NAV2: variants seen among roughly 807,000 people sequenced by gnomAD.
The protein encoded by NAV2 is neuron navigator 2.
A neutral mutation model predicts 223.2 loss-of-function variants in NAV2; 54 were observed. The ratio of observed to expected loss-of-function variants is 0.24; its 90% confidence interval spans 0.19 to 0.30. The LOEUF (loss-of-function observed/expected upper bound fraction) is 0.30. Ranked by LOEUF, NAV2 falls within the 10% of genes least tolerant of loss-of-function variation. NAV2 has a pLI of 1.00. For missense variants in NAV2, 2,806 were observed against 3,147.5 expected (o/e 0.89, Z 2.60); for synonymous variants, 1,279 against 1,239.3 (o/e 1.03, Z -0.67).
chr11:19,547,367 G>C (rs1432701387), intron 1 of NAV2, among the ~76,000 whole-genome samples: 2 of 152,212 alleles, frequency 1.3e-5, no homozygotes, highest in Non-Finnish European at 2.9e-5. Context: ...ATTTAACTAT[G>C]AAACACAAAA....
At chr11:19,392,462 C>T (rs1849287431) in intron 1 of NAV2, among the ~76,000 whole-genome samples, 1 of 151,986 alleles carries the variant, frequency 6.6e-6, no homozygotes, top group South Asian at 2.1e-4. Context: ...GGTTCTCTCA[C>T]TAACATACTT....
intron 1 of NAV2, among the ~76,000 whole-genome samples, chr11:19,786,188 C>T (rs981165148): frequency 6.6e-6 from 1 of 152,160 alleles, no homozygotes; most frequent in African/African-American, 2.4e-5. Flanking sequence ...ATTGGTGTTC[C>T]AAGGCCATCT....
rs1850045524 is a variant in NAV2, at chr11:19,409,430, T to G, written c.75+58403T>G. Among the ~76,000 whole-genome samples, 2 of 152,140 alleles carry G rather than the reference T, an allele frequency of 1.3e-5. 1 individual carries two copies. The highest frequency in any genetic ancestry group is 4.1e-4 in the South Asian group (2 of 4,826). ...CTAAGCACTCAGCCTTGCTCTTGGG[T>G]GGTGGGTGGAGTCCTGAAGCTCTCT... is the stretch of plus-strand genomic sequence containing the variant. On this transcript the variant is annotated intron_variant, in intron 1 of 37. Transcript: ENST00000360655.
chr11:19,367,865 T>C (rs1046484464), intron 1 of NAV2, among the ~76,000 whole-genome samples: 11 of 152,228 alleles, frequency 7.2e-5, no homozygotes, highest in African/African-American at 2.7e-4. Flanking sequence ...ATCATTATAT[T>C]ATACCCCAGA....
intron 1 of NAV2, chr11:19,506,704 C>T (rs2043133652): frequency 6.6e-6 from 1 of 152,144 alleles, no homozygotes; most frequent in African/African-American, 2.4e-5. Flanking sequence ...AGGTAGAGCT[C>T]TTGAGCTAGA....
intron 8 of NAV2, among the ~76,000 whole-genome samples, chr11:19,944,900 T>C (rs1307023478): frequency 6.6e-6 from 1 of 150,456 alleles, no homozygotes; most frequent in Non-Finnish European, 1.5e-5. Flanking sequence ...CTTTCTTTCC[T>C]TTCCTTTCCT....
At chr11:19,670,123 A>G (rs2048538885) in intron 1 of NAV2, among the ~76,000 whole-genome samples, 1 of 152,058 alleles carries the variant, frequency 6.6e-6, no homozygotes, top group South Asian at 2.1e-4. Context: ...CACATATGCC[A>G]CGCACACTGT....
intron 6 of NAV2, among the ~76,000 whole-genome samples, chr11:19,911,473 C>T (rs2625334): frequency 0.11 from 16,993 of 152,176 alleles, 3,145 homozygotes; most frequent in African/African-American, 0.38. Context: ...CAAAATGACT[C>T]TCTCAATTCT....
chr11:20,035,874 G>C lies in NAV2; in HGVS notation c.2769-85G>C. The C allele has an allele frequency of 2.0e-6, 3 of 1,520,680 alleles. No homozygotes were observed. In the South Asian group the frequency reaches 3.6e-5, roughly 18 times the overall value. The allele number at this position is 1,520,680 out of a possible 1,614,324, so 94.2% of individuals were successfully genotyped here. A position where few individuals can be genotyped will look rare whatever the true frequency, so the allele number is the denominator to read the frequency against. ...CATGGCACAGATTGGATCTTTTCGGGGATGGTGTTTGTCTGTCTGTGTCAT... is the reference window on the plus strand; with the variant it reads ...CATGGCACAGATTGGATCTTTTCGGCGATGGTGTTTGTCTGTCTGTGTCAT... On this transcript the variant is annotated intron_variant, in intron 11 of 37. Coordinates refer to ENST00000349880, the MANE Select transcript of NAV2 (RefSeq NM_145117.5).
At chr11:19,447,268 A>G (rs993549339) in intron 1 of NAV2, among the ~76,000 whole-genome samples, 23 of 152,240 alleles carry the variant, frequency 1.5e-4, no homozygotes, top group Non-Finnish European at 2.5e-4. Context: ...GTTCTTTTCA[A>G]GATAGATTCT....
intron 1 of NAV2, among the ~76,000 whole-genome samples, chr11:19,680,983 G>A (rs758429332): frequency 3.3e-5 from 5 of 152,200 alleles, no homozygotes; most frequent in Admixed American, 6.5e-5. Context: ...AGCACTTAGC[G>A]GGTGCCAGGC....
At chr11:19,463,077 C>A (rs778726188) in intron 1 of NAV2, among the ~76,000 whole-genome samples, 11 of 152,218 alleles carry the variant, frequency 7.2e-5, no homozygotes, top group Non-Finnish European at 1.3e-4. Flanking sequence ...CTATGTGATT[C>A]TGAGCCATTT....
chr11:19,741,309 A>G (rs1259616514), intron 1 of NAV2, among the ~76,000 whole-genome samples: 2 of 152,062 alleles, frequency 1.3e-5, no homozygotes, highest in Admixed American at 1.3e-4. Context: ...AATTTTCAGC[A>G]TACAATATAA....
rs190183090 is a variant in NAV2, at chr11:19,555,082, G to A, written c.75+204055G>A. The stretch of plus-strand genomic sequence containing the variant: ...ATAATTTATTCCTTTTCAGTTTTGA[G>A]TAAACAAGATATGTGACTATCTTAG... On this transcript the variant is annotated intron_variant, in intron 1 of 37. Coordinates refer to the NAV2 transcript ENST00000360655. Among the ~76,000 whole-genome samples, 4 of 150,840 alleles carry A rather than the reference G, an allele frequency of 2.7e-5. No individual in the cohort carries two copies. The East Asian group carries it at 7.8e-4, about 29-fold the overall frequency.
At chr11:19,692,847 G>A (rs1226577382) in intron 1 of NAV2, among the ~76,000 whole-genome samples, 2 of 152,212 alleles carry the variant, frequency 1.3e-5, no homozygotes, top group African/African-American at 4.8e-5. Context: ...GGGGAGATGG[G>A]GATGGGCAGC....
chr11:20,077,969 C>A (rs1168479469), intron 23 of NAV2, 24 bp from the exon 24 acceptor site: 1 of 1,569,152 alleles, frequency 6.4e-7, no homozygotes, highest in Admixed American at 1.7e-5. Context: ...TTTAGGCTGA[C>A]CAATAATTTT....
At chr11:20,027,212 A>T in intron 11 of NAV2, 1 of 949,146 alleles carries the variant, frequency 1.1e-6, no homozygotes, top group Non-Finnish European at 1.3e-6. Context: ...AAATGTAGGT[A>T]GCCAAACCCT....
chr11:19,903,653 GAA>G (rs112597308), intron 6 of NAV2, among the ~76,000 whole-genome samples: 1 of 135,806 alleles, frequency 7.4e-6, no homozygotes, highest in African/African-American at 2.7e-5. Context: ...AAAAGTTTAA[GAA>G]AAAAAAAAAA....
chr11:19,349,773 T>C (rs957884233), upstream of NAV2, among the ~76,000 whole-genome samples: 6 of 152,182 alleles, frequency 3.9e-5, no homozygotes, highest in Non-Finnish European at 7.3e-5. Flanking sequence ...CAAGTGTGAA[T>C]ATTTTTCTTG....
Sources: gnomAD v4.1 joint callset for allele counts (sites outside exome capture counted in the v4.1 genomes callset) on GRCh38, gnomAD v4.1.1 for gene constraint, MANE v1.5 for transcripts, NCBI Gene and HGNC (gene_info 2026-07-23, HGNC 2026-07-21) for gene names.